The following CADPS2 variants were observed in gnomAD, a reference collection of about 807,000 sequenced individuals.
CADPS2 encodes calcium-dependent secretion activator 2.
Under a neutral mutation model 172.5 loss-of-function variants are expected in CADPS2, and 93 were observed. The ratio of observed to expected loss-of-function variants is 0.54; its 90% CI spans 0.46 to 0.64. The LOEUF (loss-of-function observed/expected upper bound fraction) is 0.64, where lower values mean the gene tolerates loss of function less well. Among genes scored for constraint, CADPS2 ranks in the 30% least tolerant of loss-of-function variants. CADPS2 has a pLI of 0.00. For missense variants in CADPS2, 1,420 were observed against 1,565.9 expected (o/e 0.91, Z 1.57); for synonymous variants, 546 against 555.2 (o/e 0.98, Z 0.23).
At chr7:122,739,614 A>G (rs74630632) in intron 1 of CADPS2, among the ~76,000 whole-genome samples, 5,707 of 152,256 alleles carry the variant, frequency 0.037, 167 homozygotes, top group Middle Eastern at 0.065. Flanking sequence ...ATTTTTATGA[A>G]TAGAGGATAC....
At position 122,615,266 on chromosome 7, in the gene CADPS2, C is replaced by G; in HGVS notation, c.1138G>C (p.Val380Leu). The G allele has an allele frequency of 6.4e-7, 1 of 1,554,026 alleles. No homozygotes were observed. The highest frequency in any genetic ancestry group is 8.7e-7 in the Non-Finnish European group (1 of 1,146,442). Residue 380 changes from valine to leucine, a missense_variant, in exon 6 of 30, where the codon GTT (valine) becomes CTT (leucine). By Grantham distance (32) the Val-to-Leu change is conservative (BLOSUM62 1). Coordinates refer to ENST00000449022, the MANE Select transcript of CADPS2 (RefSeq NM_017954.11). ...CAGTAAACAATTCGATTGGGAGCAA[C>G]TGACTTCAGGCCTTGCACTTCCATT... ...VIMEVQGLKS[V>L]APNRIVYCTM...
rs972262892 is a variant in CADPS2, at chr7:122,849,499, G to A, written c.339+36500C>T. Among the ~76,000 whole-genome samples the A allele has an allele frequency of 2.0e-5, 3 of 152,254 alleles. No homozygotes were observed. In the South Asian group the frequency reaches 6.2e-4, roughly 32 times the overall value. ...TAAAGTCACAAAGTTCATAAACTATGGAGCTTCTCAGTCTCTGCGGTCCCC... is the reference window on the plus strand; with the variant it reads ...TAAAGTCACAAAGTTCATAAACTATAGAGCTTCTCAGTCTCTGCGGTCCCC... On this transcript the variant is annotated intron_variant, in intron 1 of 29. Transcript: ENST00000449022.
At chr7:122,551,143 T>C (rs996302644) in intron 8 of CADPS2, among the ~76,000 whole-genome samples, 3 of 152,088 alleles carry the variant, frequency 2.0e-5, no homozygotes, top group African/African-American at 7.2e-5. Flanking sequence ...AAAATAGTCA[T>C]ATTAAAATGC....
At chr7:122,673,114 G>A (rs900705701) in intron 2 of CADPS2, among the ~76,000 whole-genome samples, 1 of 152,214 alleles carries the variant, frequency 6.6e-6, no homozygotes, top group Non-Finnish European at 1.5e-5. Context: ...GGCTTCAGGA[G>A]TGAAGTTGCA....
intron 1 of CADPS2, among the ~76,000 whole-genome samples, chr7:122,784,297 T>G (rs748502163): frequency 3.9e-4 from 60 of 152,364 alleles, no homozygotes; most frequent in Non-Finnish European, 4.0e-4. Flanking sequence ...TACTGTTTAC[T>G]TTTAGATTTT....
Position 122,722,225 on chromosome 7 carries a change from T to C in CADPS2, c.453+14730A>G, listed in dbSNP as rs529269391. Among the ~76,000 whole-genome samples, 258 of 152,128 alleles carry C rather than the reference T, an allele frequency of 1.7e-3. 1 individual carries two copies. Among genetic ancestry groups the C allele is most frequent in the Non-Finnish European group, 2.8e-3 (192 of 68,000 alleles). ...GGCAGGAGAAAGAAAGAAAGGGTATTCAATTAGGAAAAGAGGAAGTCAAAT... is the reference window on the plus strand; with the variant it reads ...GGCAGGAGAAAGAAAGAAAGGGTATCCAATTAGGAAAAGAGGAAGTCAAAT... On this transcript the variant is annotated intron_variant, in intron 2 of 29. Transcript: ENST00000449022.
chr7:122,734,262 T>G (rs2091932664), intron 2 of CADPS2, among the ~76,000 whole-genome samples: 1 of 146,528 alleles, frequency 6.8e-6, no homozygotes, highest in Non-Finnish European at 1.5e-5. Context: ...CTCTGATGTC[T>G]GAGATTGCTA....
intron 1 of CADPS2, among the ~76,000 whole-genome samples, chr7:122,863,152 C>A (rs969376397): frequency 1.3e-5 from 2 of 152,074 alleles, no homozygotes; most frequent in Non-Finnish European, 2.9e-5. Flanking sequence ...CATTGTTTTT[C>A]AAAATGGTGA....
intron 1 of CADPS2, among the ~76,000 whole-genome samples, chr7:122,866,624 C>T (rs1481658719): frequency 6.6e-6 from 1 of 152,172 alleles, no homozygotes; most frequent in African/African-American, 2.4e-5. Context: ...TTGCTTGAAC[C>T]CGGCAGGTAG....
rs185090826 is a variant in CADPS2, at chr7:122,750,774, C to T, written c.340-13706G>A. The stretch of plus-strand genomic sequence containing the variant: ...AAAAAATGCAGGTACGAAAGACCTA[C>T]CCCACACCTACTATTTCAGAATTTT... On this transcript the variant is annotated intron_variant, in intron 1 of 29. Transcript: ENST00000449022. 2.8e-3 allele frequency among the ~76,000 whole-genome samples: 430 copies of T among 152,230 alleles called. 2 individuals are homozygous for T. Among genetic ancestry groups the T allele is most frequent in the African/African-American group, 1.0e-2 (415 of 41,544 alleles).
chr7:122,582,786 A>G (rs952688262), intron 6 of CADPS2, among the ~76,000 whole-genome samples: 6 of 152,040 alleles, frequency 3.9e-5, no homozygotes, highest in African/African-American at 1.4e-4. Context: ...GCATTCTCTT[A>G]TAACTGAAAT....
intron 28 of CADPS2, among the ~76,000 whole-genome samples, chr7:122,326,005 C>A (rs2033765898): frequency 6.8e-6 from 1 of 147,086 alleles, no homozygotes; most frequent in Non-Finnish European, 1.5e-5. Flanking sequence ...ACATAAAAAT[C>A]AAAAAGAAGA....
intron 14 of CADPS2, among the ~76,000 whole-genome samples, chr7:122,465,618 AAC>A (rs1367802675): frequency 6.6e-6 from 1 of 152,184 alleles, no homozygotes; most frequent in African/African-American, 2.4e-5. Context: ...TCTGAGGTGG[AAC>A]AGTTTCATCC....
intron 29 of CADPS2, among the ~76,000 whole-genome samples, chr7:122,321,341 A>AT (rs1318317787): frequency 6.6e-6 from 1 of 152,090 alleles, no homozygotes; most frequent in East Asian, 1.9e-4. Context: ...TAACTTTTAA[A>AT]TTTTTTTGTA....
chr7:122,741,305 C>T (rs186307774), intron 1 of CADPS2, among the ~76,000 whole-genome samples: 9 of 152,162 alleles, frequency 5.9e-5, no homozygotes, highest in Admixed American at 5.2e-4. Context: ...CATATATAGA[C>T]AGAAACTAGG....
intron 14 of CADPS2, among the ~76,000 whole-genome samples, chr7:122,457,350 A>G (rs1319067598): frequency 6.6e-6 from 1 of 152,182 alleles, no homozygotes; most frequent in African/African-American, 2.4e-5. Flanking sequence ...TTTCCAGTAT[A>G]ATAAAAAATT....
intron 9 of CADPS2, 83 bp downstream of exon 9, chr7:122,513,166 A>T: frequency 1.1e-6 from 1 of 890,550 alleles, no homozygotes; most frequent in Non-Finnish European, 1.8e-6. Context: ...TAAAACAGTA[A>T]ATTTTGATAG....
intron 9 of CADPS2, among the ~76,000 whole-genome samples, chr7:122,507,623 G>A (rs533236870): frequency 2.0e-5 from 3 of 152,228 alleles, no homozygotes; most frequent in Non-Finnish European, 4.4e-5. Flanking sequence ...AAGTGCAAAG[G>A]GAGTCCCTGG....
At chr7:122,865,154 C>T (rs1817973181) in intron 1 of CADPS2, among the ~76,000 whole-genome samples, 1 of 151,858 alleles carries the variant, frequency 6.6e-6, no homozygotes, top group Non-Finnish European at 1.5e-5. Flanking sequence ...TCCTCTCTCA[C>T]ACTCTCTCGT....
Sources: gnomAD v4.1 joint callset for allele counts (sites outside exome capture counted in the v4.1 genomes callset) on GRCh38, gnomAD v4.1.1 for gene constraint, MANE v1.5 for transcripts, NCBI Gene and HGNC (gene_info 2026-07-23, HGNC 2026-07-21) for gene names.